The following ASTN1 variants were observed in gnomAD, a reference collection of about 807,000 sequenced individuals.
ASTN1 encodes astrotactin-1.
A neutral mutation model predicts 140.7 loss-of-function variants in ASTN1; 41 were observed. The ratio of observed to expected loss-of-function variants is 0.29; its 90% CI spans 0.23 to 0.38. ASTN1 has a LOEUF of 0.38. ASTN1 is among the 10% of genes least tolerant of loss of function. The pLI is 1.00. For missense variants in ASTN1, 1,479 were observed against 1,678.8 expected (o/e 0.88, Z 2.08); for synonymous variants, 640 against 652.2 (o/e 0.98, Z 0.29).
chr1:177,069,207 C>T lies in ASTN1; in HGVS notation c.284-7942G>A, dbSNP rs576882839. On this transcript the variant is annotated intron_variant, in intron 1 of 22. Transcript: ENST00000361833. The stretch of plus-strand genomic sequence containing the variant: ...AGTCCCCAGTAAGAAAAAGATCACC[C>T]ACATATAGATGCTTCCAAATAATTT... Among the ~76,000 whole-genome samples the T allele has an allele frequency of 5.9e-5, 9 of 152,216 alleles. No individual in the cohort carries two copies. The East Asian group carries it at 1.7e-3, about 29-fold the overall frequency.
intron 9 of ASTN1, 71 bp from the exon 10 acceptor site, chr1:176,958,553 T>C: frequency 2.7e-6 from 4 of 1,486,034 alleles, no homozygotes; most frequent in Non-Finnish European, 3.6e-6. Context: ...GATCTAGCAT[T>C]CCATTACCAG....
intron 1 of ASTN1, among the ~76,000 whole-genome samples, chr1:177,075,856 G>A (rs1215762178): frequency 6.6e-6 from 1 of 151,566 alleles, no homozygotes; most frequent in African/African-American, 2.4e-5. Flanking sequence ...TGCCCAGACT[G>A]GTCTCAAACT....
downstream of ASTN1, among the ~76,000 whole-genome samples, chr1:176,858,545 T>C (rs1305706183): frequency 6.6e-6 from 1 of 152,162 alleles, no homozygotes; most frequent in African/African-American, 2.4e-5. Flanking sequence ...CATTAAAGCA[T>C]AGTAAAAGGC....
intron 2 of ASTN1, among the ~76,000 whole-genome samples, chr1:177,052,006 A>G (rs1677564571): frequency 6.6e-6 from 1 of 152,158 alleles, no homozygotes; most frequent in Admixed American, 6.5e-5. Flanking sequence ...ATCAGATGTC[A>G]ATTATGAGAT....
intron 20 of ASTN1, among the ~76,000 whole-genome samples, chr1:176,877,571 T>G (rs1369626617): frequency 6.6e-6 from 1 of 152,182 alleles, no homozygotes; most frequent in Non-Finnish European, 1.5e-5. Context: ...AATTTCCCCT[T>G]GGGTGATGGA....
At chr1:177,034,460 A>G (rs1676612259) in intron 2 of ASTN1, among the ~76,000 whole-genome samples, 1 of 152,188 alleles carries the variant, frequency 6.6e-6, no homozygotes, top group African/African-American at 2.4e-5. Context: ...TTATGCAAGT[A>G]TAGAGAAAGA....
intron 1 of ASTN1, among the ~76,000 whole-genome samples, chr1:177,080,730 G>T (rs2102075106): frequency 6.6e-6 from 1 of 152,236 alleles, no homozygotes; most frequent in Admixed American, 6.5e-5. Flanking sequence ...TTTCCCTAGG[G>T]AGGAAGTGTA....
intron 1 of ASTN1, among the ~76,000 whole-genome samples, chr1:177,159,553 A>G (rs923410723): frequency 1.3e-5 from 2 of 152,350 alleles, no homozygotes; most frequent in Admixed American, 1.3e-4. Context: ...ATTATGTCCA[A>G]TATTACCTTT....
chr1:177,015,936 A>G (rs1328906300), intron 7 of ASTN1, among the ~76,000 whole-genome samples: 2 of 152,220 alleles, frequency 1.3e-5, no homozygotes, highest in African/African-American at 4.8e-5. Context: ...GTGAAAGAAC[A>G]AAGTGTGACT....
intron 8 of ASTN1, among the ~76,000 whole-genome samples, chr1:176,990,506 C>A (rs367939607): frequency 6.8e-6 from 1 of 147,850 alleles, no homozygotes; most frequent in South Asian, 2.1e-4. Context: ...AAATCAAGAA[C>A]GAGTGTGAGG....
intron 16 of ASTN1, among the ~76,000 whole-genome samples, chr1:176,933,360 T>C (rs1671288404): frequency 6.6e-6 from 1 of 152,252 alleles, no homozygotes. Context: ...GTTTTTATTG[T>C]GCTAATTCAT....
Position 176,870,288 on chromosome 1 carries a change from C to T in ASTN1, c.3464-1261G>A, listed in dbSNP as rs139554078. The stretch of plus-strand genomic sequence containing the variant: ...AAGTCCACAGGTTCCTAAGCCACAA[C>T]TTGGCCAGTGTGACCATCTGTTAGC... On this transcript the variant is annotated intron_variant, in intron 21 of 22. Coordinates refer to ENST00000361833, the MANE Select transcript of ASTN1 (RefSeq NM_004319.3). Among the ~76,000 whole-genome samples the T allele has an allele frequency of 8.2e-4, 125 of 152,368 alleles. 1 individual carries two copies. Among genetic ancestry groups the T allele is most frequent in the African/African-American group, 2.9e-3 (122 of 41,582 alleles).
At chr1:176,903,642 C>T (rs1303723458) in intron 16 of ASTN1, among the ~76,000 whole-genome samples, 1 of 152,204 alleles carries the variant, frequency 6.6e-6, no homozygotes, top group Admixed American at 6.5e-5. Flanking sequence ...CTACACTCCT[C>T]CTTTTTGATT....
chr1:177,076,805 G>A (rs1678936965), intron 1 of ASTN1, among the ~76,000 whole-genome samples: 2 of 152,134 alleles, frequency 1.3e-5, no homozygotes, highest in Non-Finnish European at 2.9e-5. Flanking sequence ...TTACAGGCGT[G>A]AGCCACCACA....
At chr1:176,894,485 G>A in intron 17 of ASTN1, 77 bp downstream of exon 17, 1 of 1,538,744 alleles carries the variant, frequency 6.5e-7, no homozygotes, top group Non-Finnish European at 8.8e-7. Flanking sequence ...ACCACACCCT[G>A]TCACTTCCTC....
intron 1 of ASTN1, among the ~76,000 whole-genome samples, chr1:177,111,713 A>G (rs1340440428): frequency 6.6e-6 from 1 of 152,154 alleles, no homozygotes; most frequent in Non-Finnish European, 1.5e-5. Flanking sequence ...TGCATCATCT[A>G]TGTATCACCT....
chr1:176,939,105 C>A (rs1441453773), intron 14 of ASTN1, among the ~76,000 whole-genome samples: 1 of 151,294 alleles, frequency 6.6e-6, no homozygotes, highest in Non-Finnish European at 1.5e-5. Context: ...GAGCAGGACA[C>A]CATCTCAAAA....
Position 176,862,184 on chromosome 1 carries a change from A to G in ASTN1, c.*2100T>C. On this transcript the variant is annotated 3_prime_UTR_variant, in exon 23 of 23. Coordinates refer to ENST00000361833, the MANE Select transcript of ASTN1 (RefSeq NM_004319.3). ...GGCTCCAGCATTTGCCACAGGTGGGACAGCCAATTTTTCTGCTGATCTTTG... is the reference window on the plus strand; with the variant it reads ...GGCTCCAGCATTTGCCACAGGTGGGGCAGCCAATTTTTCTGCTGATCTTTG... 1 of 985,406 alleles carries G rather than the reference A, an allele frequency of 1.0e-6. No homozygotes were observed. The highest frequency in any genetic ancestry group is 1.1e-4 in the East Asian group (1 of 8,806). The allele number at this position is 985,406 out of a possible 1,614,324, so 61.0% of individuals were successfully genotyped here. A position where few individuals can be genotyped will look rare whatever the true frequency, so the allele number is the denominator to read the frequency against.
At chr1:177,127,156 GA>G (rs1270145011) in intron 1 of ASTN1, among the ~76,000 whole-genome samples, 2 of 151,338 alleles carry the variant, frequency 1.3e-5, no homozygotes, top group Non-Finnish European at 2.9e-5. Context: ...TTTAAAAAAA[GA>G]AATTATTCTT....
Sources: gnomAD v4.1 joint callset for allele counts (sites outside exome capture counted in the v4.1 genomes callset) on GRCh38, gnomAD v4.1.1 for gene constraint, MANE v1.5 for transcripts, NCBI Gene and HGNC (gene_info 2026-07-23, HGNC 2026-07-21) for gene names.